EZR: variants seen among roughly 807,000 people sequenced by gnomAD.
EZR encodes the protein cytovillin 2.
Under a neutral mutation model 74.8 loss-of-function variants are expected in EZR, and 40 were observed. That is an observed-to-expected ratio of 0.53 (90% CI 0.42 to 0.70). The LOEUF (loss-of-function observed/expected upper bound fraction) is 0.70. Ranked by LOEUF, EZR falls within the 30% of genes least tolerant of loss-of-function variation. The pLI is 0.00. For missense variants in EZR, 678 were observed against 755.8 expected, an observed-to-expected ratio of 0.90 and a Z score of 1.21; for synonymous variants, 341 against 283.3, an observed-to-expected ratio of 1.20 and a Z score of -2.05.
intron 2 of EZR, among the ~76,000 whole-genome samples, chr6:158,803,636 CATATATATATATATATACATATATATAT>C (rs1777264603): frequency 5.5e-5 from 2 of 36,370 alleles, no homozygotes; most frequent in African/African-American, 1.7e-4. Flanking sequence ...CATATACATA[CATATATATATATATATACATATATATAT>C]ATAAAATATA....
At position 158,767,497 on chromosome 6, in the gene EZR, C is replaced by T. The variant is rs1481011976; in HGVS notation, c.1360G>A (p.Asp454Asn). The T allele has an allele frequency of 7.5e-6, 12 of 1,591,074 alleles. No homozygotes were observed. The highest frequency in any genetic ancestry group is 9.4e-6 in the Non-Finnish European group (11 of 1,167,160). The change falls in exon 13 of 14, where the codon GAT becomes AAT. Residue 454 changes from aspartate to asparagine, a missense_variant. Coordinates refer to ENST00000367075, the MANE Select transcript of EZR (RefSeq NM_001111077.2). ...TCCTCCTTGGTCTTCACCAGGTCAT[C>T]CTGGGCTTCTTTGGCCTTTGGAAAG... is the stretch of plus-strand genomic sequence containing the variant. ...EWQHRAKEAQ[D>N]DLVKTKEELH...
At chr6:158,818,226 C>A in intron 1 of EZR, 60 bp from the exon 2 acceptor site, 1 of 957,900 alleles carries the variant, frequency 1.0e-6, no homozygotes, top group South Asian at 1.8e-5. Context: ...TCCTGCCGCG[C>A]CCGACACTCG....
chr6:158,811,288 A>G (rs1777445774), intron 2 of EZR, among the ~76,000 whole-genome samples: 1 of 152,058 alleles, frequency 6.6e-6, no homozygotes, highest in African/African-American at 2.4e-5. Context: ...ATAATTCAAA[A>G]TGCATTCACT....
rs1367710907 is a variant in EZR at position 158,773,182 on chromosome 6, GGTT to G, written c.796-1778_796-1776del. ...GATTAGCACCAACTCCCCTTTATGGGGTTGTGGGGGTGCATGGGTGGGGGGATC... is the reference window on the plus strand; with the variant it reads ...GATTAGCACCAACTCCCCTTTATGGGGTGGGGGTGCATGGGTGGGGGGATC... On this transcript the variant is annotated intron_variant, in intron 8 of 13. Coordinates refer to ENST00000367075, the MANE Select transcript of EZR (RefSeq NM_001111077.2). 1.5e-4 allele frequency among the ~76,000 whole-genome samples: 23 copies of G among 152,294 alleles called. No individual in the cohort carries two copies. In the South Asian group the frequency reaches 1.7e-3, roughly 11 times the overall value.
chr6:158,792,139 T>C (rs1297094189), intron 2 of EZR, among the ~76,000 whole-genome samples: 1 of 152,238 alleles, frequency 6.6e-6, no homozygotes, highest in Non-Finnish European at 1.5e-5. Context: ...AGCAGGAATT[T>C]AGAATAACTT....
intron 2 of EZR, among the ~76,000 whole-genome samples, chr6:158,813,040 A>C (rs1466749249): frequency 6.6e-6 from 1 of 152,106 alleles, no homozygotes; most frequent in Non-Finnish European, 1.5e-5. Context: ...AACTTTTCAA[A>C]AGGCAAATCT....
At chr6:158,804,531 T>C (rs1777286961) in intron 2 of EZR, among the ~76,000 whole-genome samples, 1 of 152,354 alleles carries the variant, frequency 6.6e-6, no homozygotes, top group South Asian at 2.1e-4. Flanking sequence ...CAGGTAATTA[T>C]ACACAGAAAC....
chr6:158,777,607 A>C (rs1319382085), intron 7 of EZR, among the ~76,000 whole-genome samples: 1 of 152,176 alleles, frequency 6.6e-6, no homozygotes. Flanking sequence ...CATCCCACAA[A>C]AACCTTCATT....
chr6:158,793,995 G>A (rs1791809030), intron 2 of EZR, among the ~76,000 whole-genome samples: 1 of 152,144 alleles, frequency 6.6e-6, no homozygotes, highest in Non-Finnish European at 1.5e-5. Context: ...CAGACTTTGG[G>A]GCCACATGCA....
chr6:158,818,739 G>A (rs1354420172), intron 1 of EZR, among the ~76,000 whole-genome samples: 1 of 150,550 alleles, frequency 6.6e-6, no homozygotes, highest in Non-Finnish European at 1.5e-5. Flanking sequence ...CTGGGAGAGA[G>A]AGGGCGAGGG....
intron 8 of EZR, among the ~76,000 whole-genome samples, chr6:158,774,300 C>T (rs1791203670): frequency 6.6e-6 from 1 of 152,194 alleles, no homozygotes; most frequent in Non-Finnish European, 1.5e-5. Flanking sequence ...CAAATGCTGC[C>T]TCCTCAGTGT....
intron 2 of EZR, among the ~76,000 whole-genome samples, chr6:158,796,243 G>C (rs1485896560): frequency 1.3e-5 from 2 of 152,228 alleles, no homozygotes. Flanking sequence ...TACCCCTCCA[G>C]GCAGACACAC....
chr6:158,766,675 CAGG>C lies in EZR; in HGVS notation c.*236_*238del. 2 of 562,736 alleles carry C rather than the reference CAGG, an allele frequency of 3.6e-6. No homozygotes were observed. Among genetic ancestry groups the C allele is most frequent in the Non-Finnish European group, 6.3e-6 (2 of 315,038 alleles). 34.9% of individuals were successfully genotyped at this position (562,736 alleles called of 1,614,324 possible). On this transcript the variant is annotated 3_prime_UTR_variant, in exon 14 of 14. Transcript: ENST00000367075. ...AATCAGTCCTGCTCCCAGCACAACA[CAGG>C]AGGTGATTCGAGAATAATCGCGAGA...
intron 11 of EZR, 95 bp from the exon 12 acceptor site, chr6:158,769,513 C>G (rs2128564383): frequency 4.7e-6 from 6 of 1,272,116 alleles, no homozygotes; most frequent in Non-Finnish European, 6.7e-6. Context: ...AAGCAGTCTC[C>G]AACGTGACAC....
At chr6:158,798,983 G>A (rs981711663) in intron 2 of EZR, among the ~76,000 whole-genome samples, 7 of 152,092 alleles carry the variant, frequency 4.6e-5, no homozygotes, top group Non-Finnish European at 1.0e-4. Context: ...AATTTGTTTT[G>A]TTATAACTGA....
chr6:158,775,709 T>G (rs1403465766), intron 8 of EZR, among the ~76,000 whole-genome samples: 1 of 152,262 alleles, frequency 6.6e-6, no homozygotes, highest in African/African-American at 2.4e-5. Context: ...ACAAAATCCT[T>G]ACCCATTCTA....
At chr6:158,809,207 C>A (rs962159689) in intron 2 of EZR, among the ~76,000 whole-genome samples, 3 of 136,384 alleles carry the variant, frequency 2.2e-5, no homozygotes, top group African/African-American at 8.0e-5. Flanking sequence ...TCTATGAGTG[C>A]AGTAAAGTGG....
chr6:158,785,740 A>G (rs377254207), intron 4 of EZR, among the ~76,000 whole-genome samples, 157 bp from the exon 5 acceptor site: 27 of 152,334 alleles, frequency 1.8e-4, no homozygotes, highest in African/African-American at 6.5e-4. Flanking sequence ...AGACAAAAAA[A>G]GGTTAGTCAA....
chr6:158,782,510 C>T (rs1403721031), intron 7 of EZR, among the ~76,000 whole-genome samples: 1 of 152,224 alleles, frequency 6.6e-6, no homozygotes, highest in Non-Finnish European at 1.5e-5. Context: ...GAAACCGGTA[C>T]ATCCAGGAAC....
Sources: allele counts gnomAD v4.1 joint callset (sites outside exome capture counted in the v4.1 genomes callset), GRCh38; gene constraint gnomAD v4.1.1; transcripts MANE v1.5; gene names NCBI Gene and HGNC (gene_info 2026-07-23, HGNC 2026-07-21).